NOX3: variants seen among roughly 807,000 people sequenced by gnomAD.
NOX3 encodes NADPH oxidase catalytic subunit-like 3.
Under a neutral mutation model 76.7 loss-of-function variants are expected in NOX3, and 74 were observed. The ratio of observed to expected loss-of-function variants is 0.96; its 90% CI spans 0.80 to 1.17. NOX3 has a LOEUF of 1.17. NOX3 is among the 50% of genes most tolerant of loss of function. The probability of loss-of-function intolerance (pLI) is 0.00; values close to 1 mark genes in which losing one functional copy is unlikely to be tolerated. For synonymous variants in NOX3, 263 were observed against 261.1 expected (o/e 1.01, Z -0.07); for missense variants, 695 against 703.3 (o/e 0.99, Z 0.13).
At chr6:155,445,969 A>ATATATGCTAT (rs1380551108) in intron 4 of NOX3, among the ~76,000 whole-genome samples, 210 of 96,604 alleles carry the variant, frequency 2.2e-3, no homozygotes, top group African/African-American at 8.3e-3. Flanking sequence ...ATATATATAT[A>ATATATGCTAT]ATATATATAT....
intron 4 of NOX3, among the ~76,000 whole-genome samples, chr6:155,448,078 T>C (rs1323518367): frequency 6.6e-6 from 1 of 152,222 alleles, no homozygotes; most frequent in Admixed American, 6.5e-5. Context: ...TTGATATTAG[T>C]ATGTAACAGA....
At chr6:155,415,357 A>G (rs1243789887) in intron 10 of NOX3, among the ~76,000 whole-genome samples, 1 of 152,238 alleles carries the variant, frequency 6.6e-6, no homozygotes, top group Non-Finnish European at 1.5e-5. Flanking sequence ...AGGCGATTAC[A>G]TCTCCAAAAC....
At chr6:155,401,609 C>T (rs1041976174) in intron 12 of NOX3, among the ~76,000 whole-genome samples, 3 of 152,160 alleles carry the variant, frequency 2.0e-5, no homozygotes, top group African/African-American at 7.2e-5. Flanking sequence ...GGTATTTTCA[C>T]GTTTCTGAAA....
chr6:155,445,304 T>C (rs1777046489), intron 4 of NOX3, among the ~76,000 whole-genome samples: 1 of 152,210 alleles, frequency 6.6e-6, no homozygotes, highest in East Asian at 1.9e-4. Context: ...CCTATGACTA[T>C]CATAAAGTCT....
intron 7 of NOX3, among the ~76,000 whole-genome samples, chr6:155,433,086 A>G (rs927157920): frequency 6.6e-6 from 1 of 152,190 alleles, no homozygotes; most frequent in African/African-American, 2.4e-5. Context: ...GGGCATCACA[A>G]ACTTCATTTT....
intron 4 of NOX3, 126 bp downstream of exon 4, chr6:155,453,278 G>A: frequency 1.3e-6 from 1 of 744,438 alleles, no homozygotes; most frequent in South Asian, 1.6e-5. Flanking sequence ...AGGTTTACAG[G>A]GTCAGATAAA....
At chr6:155,439,677 T>A (rs894586395) in intron 6 of NOX3, among the ~76,000 whole-genome samples, 19 of 152,228 alleles carry the variant, frequency 1.2e-4, no homozygotes, top group African/African-American at 4.3e-4. Flanking sequence ...GAAACATAGA[T>A]CTACTGTCAT....
chr6:155,423,755 T>C (rs568754145), intron 9 of NOX3, among the ~76,000 whole-genome samples: 48 of 150,802 alleles, frequency 3.2e-4, no homozygotes, highest in Admixed American at 7.9e-4. Flanking sequence ...TTTTTTTTTT[T>C]TTTTGAGATG....
chr6:155,401,274 TG>T (rs1433631052), intron 12 of NOX3, among the ~76,000 whole-genome samples: 1 of 152,182 alleles, frequency 6.6e-6, no homozygotes, highest in African/African-American at 2.4e-5. Context: ...TGCCCTCTCA[TG>T]GGAAGGAACT....
chr6:155,406,102 C>T (rs1171985160), intron 12 of NOX3, among the ~76,000 whole-genome samples: 1 of 152,198 alleles, frequency 6.6e-6, no homozygotes, highest in African/African-American at 2.4e-5. Context: ...TCAGATCTTT[C>T]CTCAAATATG....
chr6:155,448,551 A>G (rs1210860262), intron 4 of NOX3, among the ~76,000 whole-genome samples: 1 of 151,318 alleles, frequency 6.6e-6, no homozygotes, highest in African/African-American at 2.4e-5. Flanking sequence ...CTTTTAAGAG[A>G]GCAGCAATTT....
chr6:155,426,997 G>GTGTGTGTGTGTGTA (rs1562465123), intron 9 of NOX3, among the ~76,000 whole-genome samples: 4 of 122,342 alleles, frequency 3.3e-5, no homozygotes, highest in Admixed American at 3.2e-4. Flanking sequence ...GTGTGTGTGT[G>GTGTGTGTGTGTGTA]TGTGTGTGTG....
At chr6:155,405,109 G>T (rs1022523160) in intron 12 of NOX3, among the ~76,000 whole-genome samples, 6 of 152,166 alleles carry the variant, frequency 3.9e-5, no homozygotes, top group Non-Finnish European at 7.3e-5. Flanking sequence ...GAAGTACAAA[G>T]AGTTTAATGA....
At chr6:155,449,187 C>A (rs1019991460) in intron 4 of NOX3, among the ~76,000 whole-genome samples, 2 of 152,124 alleles carry the variant, frequency 1.3e-5, no homozygotes, top group African/African-American at 4.8e-5. Flanking sequence ...TCTCCTCTCA[C>A]CCTGCCCTTG....
rs777763068 is a variant in NOX3, at chr6:155,436,545, C to T, written c.671G>A (p.Arg224Gln). 19 of 1,609,560 alleles carry T rather than the reference C, an allele frequency of 1.2e-5. No homozygotes were observed. Among genetic ancestry groups the T allele is most frequent in the Middle Eastern group, 1.6e-4 (1 of 6,072 alleles). ...FLSLAIHGTG[R>Q]IVRGQTQDSL... Reference sequence around the variant, plus strand: ...GTCTTGGGTTTGGCCTCGAACAATCCGACTTGTTATTTAAGAAAAGCAAAA... The same window carrying T: ...GTCTTGGGTTTGGCCTCGAACAATCTGACTTGTTATTTAAGAAAAGCAAAA... The change falls in exon 7 of 14, where the codon CGG (arginine) becomes CAG (glutamine). Residue 224 changes from arginine to glutamine, a missense_variant and splice_region_variant. Physicochemically the swap from Arg to Gln is conservative, Grantham distance 43. Transcript: ENST00000159060.
At chr6:155,427,115 T>G (rs1776768844) in intron 9 of NOX3, among the ~76,000 whole-genome samples, 1 of 151,728 alleles carries the variant, frequency 6.6e-6, no homozygotes, top group African/African-American at 2.4e-5. Flanking sequence ...ACTCTGAACC[T>G]TAAAATTTTA....
chr6:155,413,452 T>C (rs1582930709), intron 10 of NOX3, among the ~76,000 whole-genome samples: 2 of 151,092 alleles, frequency 1.3e-5, no homozygotes, highest in African/African-American at 2.4e-5. Flanking sequence ...GGGAGTTCCA[T>C]GGCCCGCAGC....
intron 7 of NOX3, among the ~76,000 whole-genome samples, chr6:155,435,542 G>A (rs370981716): frequency 4.6e-5 from 7 of 151,602 alleles, no homozygotes; most frequent in African/African-American, 1.5e-4. Flanking sequence ...TTTAAACAAC[G>A]CAATCACTTA....
intron 5 of NOX3, among the ~76,000 whole-genome samples, chr6:155,443,004 T>A (rs772167726): frequency 2.6e-5 from 4 of 152,240 alleles, no homozygotes; most frequent in Non-Finnish European, 4.4e-5. Context: ...ATATTAGGAA[T>A]TTAACAGGTT....
Sources: allele counts gnomAD v4.1 joint callset (sites outside exome capture counted in the v4.1 genomes callset), GRCh38; gene constraint gnomAD v4.1.1; transcripts MANE v1.5; gene names NCBI Gene and HGNC (gene_info 2026-07-23, HGNC 2026-07-21).